Variants in ZDHHC4 observed in about 807,000 individuals in gnomAD.
The protein encoded by ZDHHC4 is palmitoyltransferase ZDHHC4.
ZDHHC4 carries 42 observed loss-of-function variants against 36.7 expected under a neutral mutation model. That is an observed-to-expected ratio of 1.14 (90% CI 0.89 to 1.48). The LOEUF is 1.48. Among genes scored for constraint, ZDHHC4 ranks in the 40% most tolerant of loss-of-function variants. The probability of loss-of-function intolerance (pLI) is 0.00; values close to 1 mark genes in which losing one functional copy is unlikely to be tolerated. For synonymous variants in ZDHHC4, 189 were observed against 166.6 expected, an observed-to-expected ratio of 1.13 and a Z score of -1.03; for missense variants, 457 against 421.5, an observed-to-expected ratio of 1.08 and a Z score of -0.74.
intron 1 of ZDHHC4, chr7:6,577,841 T>C (rs970704087): frequency 3.9e-5 from 6 of 152,196 alleles, no homozygotes; most frequent in Admixed American, 2.6e-4. Flanking sequence ...TTTATTATTA[T>C]TGTATTTTGA....
At chr7:6,586,023 A>G (rs1404247286) in intron 7 of ZDHHC4, among the ~76,000 whole-genome samples, 1 of 152,048 alleles carries the variant, frequency 6.6e-6, no homozygotes, top group African/African-American at 2.4e-5. Flanking sequence ...CATGGTGGCC[A>G]GCATCTGTAG....
Position 6,585,275 on chromosome 7 carries a change from G to A in ZDHHC4, c.741+15G>A. 1.2e-6 allele frequency: 2 copies of A among 1,601,004 alleles called. No individual in the cohort carries two copies. Among genetic ancestry groups the A allele is most frequent in the Non-Finnish European group, 1.7e-6 (2 of 1,171,920 alleles). On this transcript the variant is annotated intron_variant, in intron 7 of 7. Transcript: ENST00000335965. The stretch of plus-strand genomic sequence containing the variant: ...TTCTTATTCAGGTAATTATGCTGTA[G>A]GTTTCTGACTTCAAGTTTCAGAATC...
At chr7:6,579,114 A>G (rs1034011459) in intron 2 of ZDHHC4, among the ~76,000 whole-genome samples, 1 of 150,908 alleles carries the variant, frequency 6.6e-6, no homozygotes, top group Non-Finnish European at 1.5e-5. Flanking sequence ...ACGAGCCACT[A>G]CGGCCGGCCA....
intron 3 of ZDHHC4, chr7:6,580,880 C>G (rs1780796377): frequency 1.7e-6 from 1 of 581,526 alleles, no homozygotes; most frequent in Admixed American, 3.0e-5. Flanking sequence ...CACGCCACTG[C>G]ACTCCAGCCT....
intron 5 of ZDHHC4, 82 bp from the exon 6 acceptor site, chr7:6,583,224 G>C (rs920329550): frequency 6.9e-7 from 1 of 1,452,826 alleles, no homozygotes; most frequent in African/African-American, 1.4e-5. Flanking sequence ...AGCAGTTTCA[G>C]TTGTGTTTTA....
chr7:6,583,155 G>C (rs946226946), intron 5 of ZDHHC4, 151 bp from the exon 6 acceptor site: 11 of 854,250 alleles, frequency 1.3e-5, no homozygotes, highest in Admixed American at 2.9e-5. Flanking sequence ...ATTCCAGCCT[G>C]GATGACAAAG....
At position 6,588,795 on chromosome 7, in the gene ZDHHC4, C is replaced by G. The variant is rs1213932239; in HGVS notation, c.920C>G (p.Pro307Arg). The G allele has an allele frequency of 4.3e-6, 7 of 1,614,066 alleles. No individual in the cohort carries two copies. The South Asian group carries it at 4.4e-5, about 10-fold the overall frequency. Residue 307 changes from proline (P) to arginine (R), a missense_variant, in exon 8 of 8, where the codon CCT becomes CGT. By Grantham distance (103) the Pro-to-Arg change is moderately radical (BLOSUM62 -2). Transcript: ENST00000335965. Reference protein sequence around the residue: ...WCQRCPLVAWPPSAEPQVHRN... With the variant: ...WCQRCPLVAWRPSAEPQVHRN... ...CAGCGTTGTCCCCTTGTGGCCTGGCCTCCGTCAGCAGAGCCCCAAGTCCAC... is the reference window on the plus strand; with the variant it reads ...CAGCGTTGTCCCCTTGTGGCCTGGCGTCCGTCAGCAGAGCCCCAAGTCCAC...
chr7:6,580,220 C>G (rs371537993), intron 2 of ZDHHC4, among the ~76,000 whole-genome samples: 3 of 151,852 alleles, frequency 2.0e-5, no homozygotes, highest in African/African-American at 7.3e-5. Context: ...AGGCTGGTCT[C>G]GAACTCCTGA....
At chr7:6,578,742 A>T (rs1489896315) in intron 2 of ZDHHC4, 22 bp downstream of exon 2, 1 of 151,860 alleles carries the variant, frequency 6.6e-6, no homozygotes, top group Non-Finnish European at 1.5e-5. Flanking sequence ...ACCCTGAATC[A>T]CCCCGTGAGA....
At chr7:6,583,007 T>C (rs1336739239) in intron 5 of ZDHHC4, among the ~76,000 whole-genome samples, 2 of 151,824 alleles carry the variant, frequency 1.3e-5, no homozygotes, top group East Asian at 3.9e-4. Flanking sequence ...CCCATCTGTA[T>C]TAACAAAAAA....
chr7:6,577,464 C>G lies in ZDHHC4; in HGVS notation c.-197C>G, dbSNP rs1365133003. ...CACGAGCCCGCAGGAAGTCTCGTAT[C>G]GCGCCCGGGAGGCGCCGGAGCCCAG... On this transcript the variant is annotated 5_prime_UTR_variant, in exon 1 of 8. In the 5' UTR this introduces an upstream ATG that the reference lacks. Coordinates refer to ENST00000335965, the MANE Select transcript of ZDHHC4 (RefSeq NM_001134389.2). 1 of 152,104 alleles carries G rather than the reference C, an allele frequency of 6.6e-6. No homozygotes were observed. The highest frequency in any genetic ancestry group is 6.5e-5 in the Admixed American group (1 of 15,284). 9.4% of individuals were successfully genotyped at this position (152,104 alleles called of 1,614,324 possible). A position where few individuals can be genotyped will look rare whatever the true frequency, so the allele number is the denominator to read the frequency against.
chr7:6,584,457 C>T (rs772824430), intron 6 of ZDHHC4: 1 of 152,546 alleles, frequency 6.6e-6, no homozygotes, highest in Non-Finnish European at 1.5e-5. Flanking sequence ...CATAATGATT[C>T]ATCTTAATCA....
intron 7 of ZDHHC4, among the ~76,000 whole-genome samples, chr7:6,588,161 G>A (rs555703676): frequency 6.6e-5 from 10 of 152,272 alleles, no homozygotes; most frequent in Non-Finnish European, 1.0e-4. Context: ...CATTGCGCCC[G>A]GCCCCTGTTT....
intron 4 of ZDHHC4, 132 bp from the exon 5 acceptor site, chr7:6,581,939 CAT>C (rs1445292995): frequency 3.2e-6 from 3 of 949,522 alleles, no homozygotes; most frequent in Admixed American, 5.3e-5. Context: ...AAATGTTTCA[CAT>C]AGTTTTCTAT....
At chr7:6,583,460 C>T in intron 6 of ZDHHC4, 29 bp downstream of exon 6, 1 of 1,592,034 alleles carries the variant, frequency 6.3e-7, no homozygotes, top group Non-Finnish European at 8.6e-7. Flanking sequence ...ACTCCAGCGG[C>T]ACCTCCAACA....
chr7:6,584,624 G>A (rs1375100859), intron 6 of ZDHHC4, among the ~76,000 whole-genome samples: 6 of 152,114 alleles, frequency 3.9e-5, no homozygotes, highest in Admixed American at 3.9e-4. Flanking sequence ...TTGACAAAAT[G>A]TCCTCTCTGT....
At chr7:6,580,994 CTCTG>C in intron 3 of ZDHHC4, 1 of 340,720 alleles carries the variant, frequency 2.9e-6, no homozygotes, top group East Asian at 6.6e-5. Context: ...ATTCCACAGC[CTCTG>C]TCTGTGTGGG....
chr7:6,587,196 C>A (rs564400032), intron 7 of ZDHHC4, among the ~76,000 whole-genome samples: 1 of 152,058 alleles, frequency 6.6e-6, no homozygotes, highest in South Asian at 2.1e-4. Context: ...TGTGAGCCAC[C>A]ATGACTGGCC....
Position 6,581,582 on chromosome 7 carries a change from GTCTTTC to G in ZDHHC4, c.118-18_118-13del, listed in dbSNP as rs1473887573. Reference sequence around the variant, plus strand: ...TGGAGGAAGTGAGAAATGAAATTGAGTCTTTCTCTTTCCTTTTGTTTCAGATATTTT... The same window carrying G: ...TGGAGGAAGTGAGAAATGAAATTGAGTCTTTCCTTTTGTTTCAGATATTTT... On this transcript the variant is annotated intron_variant, in intron 3 of 7. Coordinates refer to ENST00000335965, the MANE Select transcript of ZDHHC4 (RefSeq NM_001134389.2). The G allele has an allele frequency of 6.4e-7, 1 of 1,566,004 alleles. No homozygotes were observed. Among genetic ancestry groups the G allele is most frequent in the Admixed American group, 1.7e-5 (1 of 59,660 alleles).
Sources: allele counts gnomAD v4.1 joint callset (sites outside exome capture counted in the v4.1 genomes callset), GRCh38; gene constraint gnomAD v4.1.1; transcripts MANE v1.5; gene names NCBI Gene and HGNC (gene_info 2026-07-23, HGNC 2026-07-21).